RABGAP1L: variants seen among roughly 807,000 people sequenced by gnomAD.
RABGAP1L encodes rab GTPase-activating protein 1-like.
Under a neutral mutation model 137.7 loss-of-function variants are expected in RABGAP1L, and 63 were observed. The observed-to-expected ratio is 0.46, with a 90% CI of 0.37 to 0.56. The LOEUF is 0.56. Among genes scored for constraint, RABGAP1L ranks in the 20% least tolerant of loss-of-function variants. The pLI is 0.00. For missense variants in RABGAP1L, 1,095 were observed against 1,244.0 expected (o/e 0.88, Z 1.80); for synonymous variants, 431 against 433.7 (o/e 0.99, Z 0.08).
At chr1:174,682,196 G>A (rs1678112436) in intron 14 of RABGAP1L, among the ~76,000 whole-genome samples, 1 of 151,752 alleles carries the variant, frequency 6.6e-6, no homozygotes, top group South Asian at 2.1e-4. Context: ...CAGGAAAATA[G>A]CTTGAACCTG....
At chr1:174,284,504 C>G (rs573858553) in intron 10 of RABGAP1L, among the ~76,000 whole-genome samples, 54 of 152,184 alleles carry the variant, frequency 3.5e-4, no homozygotes, top group Non-Finnish European at 5.6e-4. Context: ...AGACATGTTT[C>G]CATGTCTAGT....
intron 11 of RABGAP1L, among the ~76,000 whole-genome samples, chr1:174,370,280 T>C (rs1323710029): frequency 6.6e-6 from 1 of 152,144 alleles, no homozygotes; most frequent in African/African-American, 2.4e-5. Context: ...CTTTCTTTCC[T>C]TTCTCTACTA....
At chr1:174,850,317 C>T (rs1648070049) in intron 19 of RABGAP1L, 2 of 224,466 alleles carry the variant, frequency 8.9e-6, no homozygotes, top group Non-Finnish European at 1.8e-5. Flanking sequence ...AATAAATCAA[C>T]TCAGTCTTCC....
chr1:174,961,815 C>T (rs1236480657), intron 20 of RABGAP1L, among the ~76,000 whole-genome samples: 1 of 136,300 alleles, frequency 7.3e-6, no homozygotes, highest in African/African-American at 2.7e-5. Context: ...CACTGCACTC[C>T]AGCGTGGGCA....
intron 13 of RABGAP1L, among the ~76,000 whole-genome samples, chr1:174,534,658 G>A (rs763633144): frequency 1.3e-5 from 2 of 150,396 alleles, no homozygotes; most frequent in Admixed American, 1.3e-4. Context: ...ACCTATAATC[G>A]CATCTACTCG....
intron 11 of RABGAP1L, among the ~76,000 whole-genome samples, chr1:174,339,741 G>T (rs1185785358): frequency 6.6e-6 from 1 of 151,842 alleles, no homozygotes; most frequent in African/African-American, 2.4e-5. Context: ...CGAGTAGTTG[G>T]GATTACAGAC....
chr1:174,375,617 G>A (rs577519894), intron 12 of RABGAP1L, among the ~76,000 whole-genome samples: 134 of 152,118 alleles, frequency 8.8e-4, no homozygotes, highest in African/African-American at 3.0e-3. Context: ...AGGTGAAATC[G>A]ACAAACACTT....
At chr1:174,807,598 T>C (rs1201628998) in intron 18 of RABGAP1L, among the ~76,000 whole-genome samples, 2 of 152,202 alleles carry the variant, frequency 1.3e-5, no homozygotes, top group Admixed American at 6.5e-5. Context: ...CTCTCGAAGA[T>C]AGAAAATTGG....
chr1:174,607,058 C>A (rs1029724695), intron 13 of RABGAP1L, among the ~76,000 whole-genome samples: 1 of 152,098 alleles, frequency 6.6e-6, no homozygotes, highest in African/African-American at 2.4e-5. Flanking sequence ...AATAAAAATA[C>A]AAGACACCCA....
chr1:174,679,216 C>T (rs1677868938), intron 14 of RABGAP1L, among the ~76,000 whole-genome samples: 1 of 152,078 alleles, frequency 6.6e-6, no homozygotes, highest in South Asian at 2.1e-4. Context: ...CCTGATTGGT[C>T]GGGTGTGCGG....
At chr1:174,723,827 G>T (rs1681775211) in intron 17 of RABGAP1L, among the ~76,000 whole-genome samples, 1 of 152,068 alleles carries the variant, frequency 6.6e-6, no homozygotes. Context: ...GTACCTCAGG[G>T]GTTTGTCATA....
intron 13 of RABGAP1L, among the ~76,000 whole-genome samples, chr1:174,526,260 C>T (rs759479286): frequency 6.6e-6 from 1 of 152,030 alleles, no homozygotes; most frequent in Non-Finnish European, 1.5e-5. Context: ...GATTTTACAT[C>T]TGTGTTCTTC....
At chr1:174,571,772 G>A (rs1667995227) in intron 13 of RABGAP1L, among the ~76,000 whole-genome samples, 1 of 152,054 alleles carries the variant, frequency 6.6e-6, no homozygotes, top group African/African-American at 2.4e-5. Flanking sequence ...TTGAAATAAT[G>A]TGATTAACTC....
chr1:174,368,461 C>G (rs963558921), intron 11 of RABGAP1L, among the ~76,000 whole-genome samples: 80 of 152,136 alleles, frequency 5.3e-4, no homozygotes, highest in African/African-American at 1.9e-3. Context: ...TTTAGGAAAA[C>G]TAGGTATTAT....
At chr1:174,313,846 A>G (rs2148804187) in intron 11 of RABGAP1L, among the ~76,000 whole-genome samples, 1 of 152,274 alleles carries the variant, frequency 6.6e-6, no homozygotes, top group Non-Finnish European at 1.5e-5. Flanking sequence ...CATCCCAGGG[A>G]TAAATCTCAA....
At chr1:174,440,729 G>A (rs564586125) in intron 13 of RABGAP1L, among the ~76,000 whole-genome samples, 63 of 152,156 alleles carry the variant, frequency 4.1e-4, no homozygotes, top group African/African-American at 1.4e-3. Context: ...CTAATTTTTT[G>A]TATTTTTAGT....
At chr1:174,814,384 T>G (rs1428989026) in intron 19 of RABGAP1L, among the ~76,000 whole-genome samples, 1 of 152,164 alleles carries the variant, frequency 6.6e-6, no homozygotes, top group East Asian at 1.9e-4. Context: ...TTCTTGGATA[T>G]TTAAGACGGT....
chr1:174,542,337 G>C (rs1004624368), intron 13 of RABGAP1L, among the ~76,000 whole-genome samples: 4 of 152,088 alleles, frequency 2.6e-5, no homozygotes, highest in East Asian at 1.9e-4. Context: ...TGTATGTGTC[G>C]AGGAATTTAT....
intron 13 of RABGAP1L, among the ~76,000 whole-genome samples, chr1:174,623,716 C>A (rs1572571220): frequency 6.6e-6 from 1 of 152,154 alleles, no homozygotes; most frequent in Non-Finnish European, 1.5e-5. Flanking sequence ...GACCTTTATT[C>A]TCCGGCCTCT....
Sources: gnomAD v4.1 joint callset for allele counts (sites outside exome capture counted in the v4.1 genomes callset) on GRCh38, gnomAD v4.1.1 for gene constraint, MANE v1.5 for transcripts, NCBI Gene and HGNC (gene_info 2026-07-23, HGNC 2026-07-21) for gene names.